DNAH7: variants seen among roughly 807,000 people sequenced by gnomAD.
DNAH7 encodes dynein axonemal heavy chain 7.
Under a neutral mutation model 444.6 loss-of-function variants are expected in DNAH7, and 397 were observed. That is an observed-to-expected ratio of 0.89 (90% confidence interval 0.82 to 0.97). DNAH7 has a LOEUF of 0.97. DNAH7 is among the 50% of genes least tolerant of loss of function. The pLI is 0.00. For synonymous variants in DNAH7, 1,636 were observed against 1,624.4 expected (o/e 1.01, Z -0.17); for missense variants, 4,902 against 4,800.8 (o/e 1.02, Z -0.62).
rs766505254 is a variant in DNAH7 at position 196,058,107 on chromosome 2, C to A, written c.25G>T (p.Ala9Ser). Reference sequence around the variant, plus strand: ...GGTTTCTTGGATTTTTCTTTGCTGGCCGATTTATCCTGTATGAAAAACATG... The same window carrying A: ...GGTTTCTTGGATTTTTCTTTGCTGGACGATTTATCCTGTATGAAAAACATG... MSSEQDKSASKEKSKKPVR... is the reference protein window; with the variant it reads MSSEQDKSSSKEKSKKPVR... Residue 9 changes from alanine (A) to serine (S), a missense_variant, in exon 2 of 65, where the codon GCC becomes TCC. Transcript: ENST00000312428. The A allele has an allele frequency of 1.9e-6, 3 of 1,583,192 alleles. No individual in the cohort carries two copies. Among genetic ancestry groups the A allele is most frequent in the Non-Finnish European group, 2.6e-6 (3 of 1,165,410 alleles).
intron 58 of DNAH7, among the ~76,000 whole-genome samples, chr2:195,783,537 T>C (rs1003952446): frequency 6.6e-6 from 1 of 152,096 alleles, no homozygotes; most frequent in Admixed American, 6.6e-5. Context: ...TGTGTTCAGA[T>C]TTCTCTCTTT....
intron 15 of DNAH7, among the ~76,000 whole-genome samples, chr2:195,981,493 C>G (rs1454919164): frequency 2.6e-5 from 4 of 151,706 alleles, no homozygotes; most frequent in Non-Finnish European, 5.9e-5. Context: ...CGCAAAAACC[C>G]CAGAATAGCC....
rs147203941 is a variant in DNAH7 at position 196,043,598 on chromosome 2, A to G, written c.398+3754T>C. On this transcript the variant is annotated intron_variant, in intron 5 of 64. Coordinates refer to ENST00000312428, the MANE Select transcript of DNAH7 (RefSeq NM_018897.3). ...TAAACTAAAAAGCTCCTGCACAGCAAAAGAAGTAATCAGCAGAGAAAACAG... is the reference window on the plus strand; with the variant it reads ...TAAACTAAAAAGCTCCTGCACAGCAGAAGAAGTAATCAGCAGAGAAAACAG... 8.5e-5 allele frequency among the ~76,000 whole-genome samples: 13 copies of G among 152,294 alleles called. 1 individual carries two copies. The East Asian group carries it at 2.5e-3, about 29-fold the overall frequency.
Position 195,972,399 on chromosome 2 carries a change from T to A in DNAH7, c.1901A>T (p.Asn634Ile). ...ATACTCGATGAGGAAGGCGAGGCAGTTTTTGGAATCCACTAATCTCTGTTC... is the reference window on the plus strand; with the variant it reads ...ATACTCGATGAGGAAGGCGAGGCAGATTTTGGAATCCACTAATCTCTGTTC... Reference protein sequence around the residue: ...ELEQRLVDSKNCLAFLIEYVN... With the variant: ...ELEQRLVDSKICLAFLIEYVN... Residue 634 changes from asparagine to isoleucine, a missense_variant, in exon 16 of 65, where the codon AAC becomes ATC. By Grantham distance (149) the Asn-to-Ile change is moderately radical. Transcript: ENST00000312428. 1 of 1,614,042 alleles carries A rather than the reference T, an allele frequency of 6.2e-7. No homozygotes were observed. Among genetic ancestry groups the A allele is most frequent in the African/African-American group, 1.3e-5 (1 of 75,060 alleles).
chr2:195,863,118 T>C (rs1276289668), intron 41 of DNAH7, among the ~76,000 whole-genome samples: 1 of 152,226 alleles, frequency 6.6e-6, no homozygotes, highest in Non-Finnish European at 1.5e-5. Flanking sequence ...TATTTGTCTG[T>C]AGACAAGAAG....
intron 10 of DNAH7, among the ~76,000 whole-genome samples, chr2:196,010,873 C>A (rs1208889019): frequency 6.6e-6 from 1 of 152,138 alleles, no homozygotes; most frequent in African/African-American, 2.4e-5. Flanking sequence ...GCCTGGAGGA[C>A]ATCGTGTTAA....
chr2:195,792,602 T>C (rs1354364096), intron 57 of DNAH7, among the ~76,000 whole-genome samples: 1 of 152,174 alleles, frequency 6.6e-6, no homozygotes, highest in East Asian at 1.9e-4. Context: ...TGGATATTAC[T>C]GCATCAACTG....
At chr2:195,963,167 T>C (rs1437290337) in intron 17 of DNAH7, among the ~76,000 whole-genome samples, 3 of 152,208 alleles carry the variant, frequency 2.0e-5, no homozygotes, top group Non-Finnish European at 2.9e-5. Context: ...GCTCTAGTTT[T>C]AGTTTTTTAA....
At position 195,984,698 on chromosome 2, in the gene DNAH7, T is replaced by C; in HGVS notation, c.1767A>G (p.Glu589=). 6.2e-7 allele frequency: 1 copy of C among 1,613,968 alleles called. No individual in the cohort carries two copies. Among genetic ancestry groups the C allele is most frequent in the Non-Finnish European group, 8.5e-7 (1 of 1,179,922 alleles). ...GAGCTTTTTCAGCTATCCTCTCAAA[T>C]TCATCGCATAATCTGAAACACCAAG... ...HQEVNTRLCD[E]FERIAEKALS... The change falls in exon 15 of 65, where the codon GAA becomes GAG. Residue 589 remains glutamate, a synonymous_variant. Coordinates refer to ENST00000312428, the MANE Select transcript of DNAH7 (RefSeq NM_018897.3).
In DNAH7 at chr2:195,923,667, T is replaced by A. The variant is rs751344175; in HGVS notation, c.3753A>T (p.Ser1251=). The change falls in exon 23 of 65, where the codon TCA becomes TCT. Residue 1251 remains serine (S), a synonymous_variant. Transcript: ENST00000312428. ...CGCTAATATTTTTTTTTACAAGTGA[T>A]GAGAGGACATCTCTAGCATGGACAT... The part of the protein sequence containing the change: ...VLDVHARDVL[S]SLVKKNISDD... 6.2e-7 allele frequency: 1 copy of A among 1,614,162 alleles called. No homozygotes were observed. Among genetic ancestry groups the A allele is most frequent in the Non-Finnish European group, 8.5e-7 (1 of 1,180,022 alleles).
chr2:196,065,294 A>G lies in DNAH7; in HGVS notation c.15+3403T>C, dbSNP rs148639102. Reference sequence around the variant, plus strand: ...TTCTGGGAGCATATCCTTCAGAAACATTTTGTAGTAGTCTTCATAAGGGTG... The same window carrying G: ...TTCTGGGAGCATATCCTTCAGAAACGTTTTGTAGTAGTCTTCATAAGGGTG... On this transcript the variant is annotated intron_variant, in intron 1 of 64. Transcript: ENST00000312428. 1.6e-3 allele frequency among the ~76,000 whole-genome samples: 251 copies of G among 152,320 alleles called. 1 individual carries two copies. Among genetic ancestry groups the G allele is most frequent in the African/African-American group, 5.9e-3 (244 of 41,558 alleles).
chr2:195,882,894 G>A (rs943228475), intron 35 of DNAH7, among the ~76,000 whole-genome samples: 3 of 152,094 alleles, frequency 2.0e-5, no homozygotes, highest in Non-Finnish European at 4.4e-5. Context: ...GGGCCAGAAC[G>A]GCACATGACT....
chr2:195,802,596 G>C (rs1696520545), intron 54 of DNAH7, among the ~76,000 whole-genome samples: 1 of 152,048 alleles, frequency 6.6e-6, no homozygotes, highest in Non-Finnish European at 1.5e-5. Context: ...TCAAACCCAG[G>C]AGGTGGAGGT....
At position 195,771,889 on chromosome 2, in the gene DNAH7, G is replaced by T. The variant is rs781248681; in HGVS notation, c.11204C>A (p.Ser3735Tyr). 1 of 1,613,636 alleles carries T rather than the reference G, an allele frequency of 6.2e-7. No homozygotes were observed. The highest frequency in any genetic ancestry group is 8.5e-7 in the Non-Finnish European group (1 of 1,179,682). Residue 3735 changes from serine (S) to tyrosine (Y), a missense_variant and splice_region_variant, in exon 61 of 65, where the codon TCT becomes TAT. Transcript: ENST00000312428. ...TTTTGCACCAGCACCTGCTGAACGA[G>T]ACTATGAAGAATCCAAACTATAACT... ...LLFDNILLTQ[S>Y]RSAGAGAKSS...
Position 195,988,131 on chromosome 2 carries a change from A to T in DNAH7, c.1452T>A (p.Ser484Arg). The T allele has an allele frequency of 1.2e-6, 2 of 1,613,590 alleles. No homozygotes were observed. The highest frequency in any genetic ancestry group is 1.1e-5 in the South Asian group (1 of 91,024). The change falls in exon 13 of 65, where the codon AGT becomes AGA. Residue 484 changes from serine to arginine, a missense_variant. Transcript: ENST00000312428. The stretch of plus-strand genomic sequence containing the variant: ...GTCTGAGGTGCTCAGTAGGTGCCAC[A>T]CTCTCTTTCATAATAACTTCCTTGA... Reference protein sequence around the residue: ...EKIKEVIMKESVAPTEHLRLY... With the variant: ...EKIKEVIMKERVAPTEHLRLY...
intron 24 of DNAH7, among the ~76,000 whole-genome samples, chr2:195,918,779 CA>C (rs1687842673): frequency 6.6e-6 from 1 of 152,010 alleles, no homozygotes; most frequent in African/African-American, 2.4e-5. Flanking sequence ...AGCAAGGGGG[CA>C]TTTTTAGGGC....
At chr2:195,753,478 T>G (rs1218630821) in intron 63 of DNAH7, among the ~76,000 whole-genome samples, 1 of 152,180 alleles carries the variant, frequency 6.6e-6, no homozygotes, top group Non-Finnish European at 1.5e-5. Context: ...ATAAATTAGT[T>G]GAGGGACAAG....
chr2:195,787,121 T>TA lies in DNAH7; in HGVS notation c.10766dup (p.Gln3590ThrfsTer16). On this transcript the variant is annotated frameshift_variant, in exon 58 of 65. Coordinates refer to ENST00000312428, the MANE Select transcript of DNAH7 (RefSeq NM_018897.3). LOFTEE classifies it high-confidence loss of function. ...GGGGTCCAAATTTCCGTCTTTCTTG[T>TA]ACCAAAGCATGAAAGAAACACAGGC... The TA allele has an allele frequency of 6.2e-7, 1 of 1,610,446 alleles. No individual in the cohort carries two copies. Among genetic ancestry groups the TA allele is most frequent in the Non-Finnish European group, 8.5e-7 (1 of 1,179,082 alleles).
intron 10 of DNAH7, among the ~76,000 whole-genome samples, chr2:196,003,838 C>G (rs1263089809): frequency 6.6e-6 from 1 of 152,150 alleles, no homozygotes; most frequent in African/African-American, 2.4e-5. Context: ...TGCTAAGAGT[C>G]TCAGAGTTTC....
Sources: allele counts gnomAD v4.1 joint callset (sites outside exome capture counted in the v4.1 genomes callset), GRCh38; gene constraint gnomAD v4.1.1; transcripts MANE v1.5; gene names NCBI Gene and HGNC (gene_info 2026-07-23, HGNC 2026-07-21).